The following TRPC4AP variants were observed in gnomAD, a reference collection of about 807,000 sequenced individuals.
TRPC4AP encodes transient receptor potential cation channel subfamily C member 4 associated protein.
In TRPC4AP, 45 loss-of-function variants were observed where a neutral mutation model predicts 99.0. The ratio of observed to expected loss-of-function variants is 0.45; its 90% CI spans 0.36 to 0.58. The LOEUF (loss-of-function observed/expected upper bound fraction) is 0.58. TRPC4AP is among the 20% of genes least tolerant of loss of function. TRPC4AP has a pLI of 0.00. For synonymous variants in TRPC4AP, 408 were observed against 385.8 expected (o/e 1.06, Z -0.67); for missense variants, 879 against 985.3 (o/e 0.89, Z 1.44).
Position 35,048,210 on chromosome 20 carries a change from C to CTTTTTTTTTTTT in TRPC4AP, c.657+1655_657+1656insAAAAAAAAAAAA, listed in dbSNP as rs1487171166. Among the ~76,000 whole-genome samples the CTTTTTTTTTTTT allele has an allele frequency of 3.3e-5, 3 of 91,442 alleles. 1 individual carries two copies. Among genetic ancestry groups the CTTTTTTTTTTTT allele is most frequent in the Non-Finnish European group, 6.3e-5 (3 of 47,342 alleles). 60.0% of individuals were successfully genotyped at this position (91,442 alleles called of 152,430 possible). ...TTTTTCATGCTGATTTGTAAGAATT[C>CTTTTTTTTTTTT]TGTTTTTTTTTTTTTTTTTGAGAGG... is the stretch of plus-strand genomic sequence containing the variant. On this transcript the variant is annotated intron_variant, in intron 6 of 18. Transcript: ENST00000252015.
intron 7 of TRPC4AP, among the ~76,000 whole-genome samples, chr20:35,037,723 A>G (rs6087663): frequency 0.73 from 110,517 of 152,150 alleles, 40,480 homozygotes; most frequent in Middle Eastern, 0.83. Flanking sequence ...TGCGGTCAAC[A>G]ACGACCACAC....
intron 8 of TRPC4AP, among the ~76,000 whole-genome samples, chr20:35,034,526 GGAA>G (rs1364141321): frequency 6.6e-6 from 1 of 151,826 alleles, no homozygotes; most frequent in East Asian, 1.9e-4. Flanking sequence ...GGAGCTGGAG[GGAA>G]GAAGAAAAGC....
At chr20:35,051,453 G>A (rs8124662) in intron 5 of TRPC4AP, among the ~76,000 whole-genome samples, 21,276 of 151,872 alleles carry the variant, frequency 0.14, 1,862 homozygotes, top group African/African-American at 0.25. Context: ...GACTACAGGC[G>A]TGCACCACCG....
chr20:35,004,579 G>A lies in TRPC4AP; in HGVS notation c.1937-9C>T, dbSNP rs200230791. On this transcript the variant is annotated splice_polypyrimidine_tract_variant and intron_variant, in intron 16 of 18. Coordinates refer to ENST00000252015, the MANE Select transcript of TRPC4AP (RefSeq NM_015638.3). ...AGACAGTACCTCGGCAACTGTGGAG[G>A]GAGGCAGGGGTGCAGCAGGTCAGGC... is the stretch of plus-strand genomic sequence containing the variant. 1 of 1,611,816 alleles carries A rather than the reference G, an allele frequency of 6.2e-7. No individual in the cohort carries two copies. The highest frequency in any genetic ancestry group is 2.2e-5 in the East Asian group (1 of 44,796).
intron 8 of TRPC4AP, among the ~76,000 whole-genome samples, chr20:35,034,281 G>A (rs1421557243): frequency 1.3e-5 from 2 of 151,944 alleles, no homozygotes; most frequent in Non-Finnish European, 2.9e-5. Context: ...GCCTCTCTCT[G>A]TGGGCAAATT....
chr20:35,030,620 T>C (rs1168827100), intron 8 of TRPC4AP, among the ~76,000 whole-genome samples: 1 of 152,232 alleles, frequency 6.6e-6, no homozygotes. Flanking sequence ...TACCCTCTTA[T>C]TACCATTTTG....
chr20:35,047,624 A>G (rs371151350), intron 6 of TRPC4AP, among the ~76,000 whole-genome samples: 2 of 152,338 alleles, frequency 1.3e-5, no homozygotes, highest in South Asian at 4.1e-4. Flanking sequence ...AGTGGCTTCT[A>G]AACTTTTTAG....
intron 2 of TRPC4AP, among the ~76,000 whole-genome samples, chr20:35,075,550 GA>G (rs1213181234): frequency 1.3e-5 from 2 of 152,182 alleles, no homozygotes; most frequent in African/African-American, 4.8e-5. Flanking sequence ...ACTCTGGGTT[GA>G]AAATTCTTTT....
In TRPC4AP at chr20:35,044,689, G is replaced by C. The variant is rs1342767085; in HGVS notation, c.681C>G (p.Val227=). 4.3e-6 allele frequency: 7 copies of C among 1,614,008 alleles called. No homozygotes were observed. The highest frequency in any genetic ancestry group is 1.6e-4 in the Middle Eastern group (1 of 6,082). ...TGGATACTAAGGAACTCAGATTGGG[G>C]ACTTCATCTAGTCGGATCATTTCCT... ...VKKEMIRLDE[V]PNLSSLVSNF... The change falls in exon 7 of 19, where the codon GTC becomes GTG. Residue 227 remains valine, a synonymous_variant. Coordinates refer to ENST00000252015, the MANE Select transcript of TRPC4AP (RefSeq NM_015638.3).
In TRPC4AP at chr20:35,003,053, C is replaced by A; in HGVS notation, c.*93G>T. On this transcript the variant is annotated 3_prime_UTR_variant, in exon 19 of 19. Transcript: ENST00000252015. ...CCAAAGACCTGGGGCAGGCAGAGAG[C>A]AGCAGGGAGGAACGGGAACAGGGCA... 2.6e-6 allele frequency: 4 copies of A among 1,538,000 alleles called. No homozygotes were observed. The South Asian group carries it at 4.8e-5, about 19-fold the overall frequency.
chr20:35,025,235 G>A (rs2082998984), intron 8 of TRPC4AP, among the ~76,000 whole-genome samples: 1 of 152,124 alleles, frequency 6.6e-6, no homozygotes, highest in Non-Finnish European at 1.5e-5. Context: ...CTACTTAAGT[G>A]CAGTGGCAGG....
At chr20:35,019,810 G>A (rs150354358) in intron 9 of TRPC4AP, among the ~76,000 whole-genome samples, 5 of 152,266 alleles carry the variant, frequency 3.3e-5, no homozygotes, top group Admixed American at 1.3e-4. Flanking sequence ...CAGTGTCCTG[G>A]TTTTAAATAC....
intron 2 of TRPC4AP, among the ~76,000 whole-genome samples, chr20:35,075,958 T>C (rs2084467835): frequency 6.6e-6 from 1 of 152,194 alleles, no homozygotes; most frequent in African/African-American, 2.4e-5. Context: ...TGTTTGTTTC[T>C]TTTTATTCTT....
chr20:35,002,457 G>A lies in TRPC4AP; in HGVS notation c.*689C>T. 2.7e-6 allele frequency: 1 copy of A among 372,882 alleles called. No homozygotes were observed. The highest frequency in any genetic ancestry group is 4.0e-5 in the East Asian group (1 of 25,092). The allele number at this position is 372,882 out of a possible 1,614,324, so 23.1% of individuals were successfully genotyped here. ...TCTCCATTTAATTGGTTTATTTGCT[G>A]TTAATAAATTGGCAACACAAGGAAG... is the stretch of plus-strand genomic sequence containing the variant. On this transcript the variant is annotated 3_prime_UTR_variant, in exon 19 of 19. Transcript: ENST00000252015.
At chr20:35,006,153 G>T (rs1043228709) in intron 15 of TRPC4AP, among the ~76,000 whole-genome samples, 1 of 152,078 alleles carries the variant, frequency 6.6e-6, no homozygotes, top group African/African-American at 2.4e-5. Context: ...CCCTACAGCG[G>T]CTCCCACCGT....
chr20:35,054,242 C>T (rs2083772338), intron 5 of TRPC4AP, among the ~76,000 whole-genome samples: 3 of 150,434 alleles, frequency 2.0e-5, no homozygotes, highest in Admixed American at 2.0e-4. Context: ...TAATAGCGCT[C>T]GTCTCATTCT....
chr20:35,084,554 T>A (rs544766271), intron 1 of TRPC4AP, among the ~76,000 whole-genome samples: 2 of 136,936 alleles, frequency 1.5e-5, no homozygotes, highest in East Asian at 4.1e-4. Flanking sequence ...GTATATATGT[T>A]TATATGCATA....
At chr20:35,068,979 A>AC (rs879662183) in intron 3 of TRPC4AP, among the ~76,000 whole-genome samples, 3,255 of 70,212 alleles carry the variant, frequency 0.046, 70 homozygotes, top group African/African-American at 0.13. Flanking sequence ...ACACACACAC[A>AC]AAAAAAACAA....
rs558883909 is a variant in TRPC4AP, at chr20:35,076,078, G to A, written c.297+1968C>T. On this transcript the variant is annotated intron_variant, in intron 2 of 18. Transcript: ENST00000252015. ...CTACTGAAGCTTGTGCATGCGTCAC[G>A]TAGTTTTCGAGCCATGGTGTTCAGC... is the stretch of plus-strand genomic sequence containing the variant. 1.7e-3 allele frequency among the ~76,000 whole-genome samples: 266 copies of A among 152,230 alleles called. 1 individual carries two copies. Among genetic ancestry groups the A allele is most frequent in the South Asian group, 8.3e-3 (40 of 4,826 alleles).
Sources: allele counts gnomAD v4.1 joint callset (sites outside exome capture counted in the v4.1 genomes callset), GRCh38; gene constraint gnomAD v4.1.1; transcripts MANE v1.5; gene names NCBI Gene and HGNC (gene_info 2026-07-23, HGNC 2026-07-21).